COL28A1: variants seen among roughly 807,000 people sequenced by gnomAD.
COL28A1 encodes the protein collagen type XXVIII alpha 1 chain.
Under a neutral mutation model 150.2 loss-of-function variants are expected in COL28A1, and 161 were observed. The ratio of observed to expected loss-of-function variants is 1.07; its 90% CI spans 0.94 to 1.22. The LOEUF (loss-of-function observed/expected upper bound fraction) is 1.22. Among genes scored for constraint, COL28A1 ranks in the 50% most tolerant of loss-of-function variants. The pLI is 0.00. For missense variants in COL28A1, 1,617 were observed against 1,388.3 expected (o/e 1.16, Z -2.62); for synonymous variants, 552 against 469.7 (o/e 1.18, Z -2.26).
chr7:7,420,190 C>A, intron 25 of COL28A1: 1 of 309,262 alleles, frequency 3.2e-6, no homozygotes, highest in Non-Finnish European at 5.9e-6. Context: ...TTTCAGAACC[C>A]TCTTCTCTAG....
chr7:7,431,541 G>C, intron 25 of COL28A1: 1 of 471,156 alleles, frequency 2.1e-6, no homozygotes, highest in Non-Finnish European at 4.4e-6. Context: ...GGAATGAGCT[G>C]AAGTAGGGCA....
At chr7:7,423,868 G>A (rs564440951) in intron 25 of COL28A1, among the ~76,000 whole-genome samples, 37 of 152,252 alleles carry the variant, frequency 2.4e-4, no homozygotes, top group African/African-American at 8.4e-4. Flanking sequence ...ACCTTTGGGA[G>A]TATCTGAAGG....
chr7:7,458,572 G>C, intron 15 of COL28A1, among the ~76,000 whole-genome samples: 1 of 152,104 alleles, frequency 6.6e-6, no homozygotes, highest in East Asian at 1.9e-4. Flanking sequence ...ATCAACCTTT[G>C]ATCTACATAA....
intron 15 of COL28A1, among the ~76,000 whole-genome samples, chr7:7,462,661 C>A (rs1350904963): frequency 1.3e-5 from 2 of 152,122 alleles, no homozygotes; most frequent in Admixed American, 1.3e-4. Flanking sequence ...GAGTTCACGA[C>A]CAGCCTGACC....
intron 3 of COL28A1, among the ~76,000 whole-genome samples, chr7:7,527,237 C>T (rs1782075037): frequency 6.6e-6 from 1 of 152,190 alleles, no homozygotes; most frequent in Non-Finnish European, 1.5e-5. Context: ...CCTGAGGGCT[C>T]TTATAGGCTA....
intron 25 of COL28A1, among the ~76,000 whole-genome samples, chr7:7,426,053 GATATACT>G (rs1784629350): frequency 6.6e-6 from 1 of 152,158 alleles, no homozygotes; most frequent in East Asian, 1.9e-4. Flanking sequence ...GTGGAAGCAA[GATATACT>G]TGTTCCAAAA....
intron 33 of COL28A1, among the ~76,000 whole-genome samples, chr7:7,369,792 C>T (rs1023532699): frequency 2.6e-5 from 4 of 152,100 alleles, no homozygotes; most frequent in Non-Finnish European, 5.9e-5. Context: ...TAGCTGAATC[C>T]TGATGTTAGA....
In COL28A1 at chr7:7,373,214, C is replaced by CT. The variant is rs766010947; in HGVS notation, c.2691dup (p.Val898SerfsTer7). ...TGTCCATCAGTGATGACCAAGGCCACTTTTTTTACACCTGGCCTTGCATCT... is the reference window on the plus strand; with the variant it reads ...TGTCCATCAGTGATGACCAAGGCCACTTTTTTTTACACCTGGCCTTGCATCT... On this transcript the variant is annotated frameshift_variant, in exon 32 of 35. Coordinates refer to ENST00000399429, the MANE Select transcript of COL28A1 (RefSeq NM_001037763.3). LOFTEE classifies it high-confidence loss of function. This position sits in a 1 kb window ranked among gnomAD's most constrained non-coding sequence, Gnocchi z 4.1. 2.5e-6 allele frequency: 4 copies of CT among 1,614,196 alleles called. No homozygotes were observed. Among genetic ancestry groups the CT allele is most frequent in the Non-Finnish European group, 3.4e-6 (4 of 1,180,034 alleles).
intron 20 of COL28A1, 108 bp downstream of exon 20, chr7:7,443,477 A>G (rs1430526542): frequency 6.6e-7 from 1 of 1,516,444 alleles, no homozygotes; most frequent in East Asian, 2.3e-5. Flanking sequence ...TAAGCCAGAC[A>G]TAAACACATT....
At chr7:7,522,066 T>C (rs750059681) in intron 4 of COL28A1, 105 bp from the exon 5 acceptor site, 2 of 747,018 alleles carry the variant, frequency 2.7e-6, no homozygotes, top group Non-Finnish European at 4.8e-6. Context: ...TTCAAATAAA[T>C]TTCAAATAGC....
chr7:7,359,290 CAAA>C (rs5882121), intron 34 of COL28A1, among the ~76,000 whole-genome samples: 2 of 145,058 alleles, frequency 1.4e-5, no homozygotes, highest in African/African-American at 2.5e-5. Context: ...CTTTAAGTTA[CAAA>C]AAAAAAAAAA....
chr7:7,345,616 T>A, the COL28A1 span, among the ~76,000 whole-genome samples: 3 of 152,144 alleles, frequency 2.0e-5, no homozygotes, highest in African/African-American at 4.8e-5. Context: ...TTCACTGGTA[T>A]CAAATTCCAT....
chr7:7,523,332 G>C (rs930476394), intron 4 of COL28A1, among the ~76,000 whole-genome samples: 2 of 151,846 alleles, frequency 1.3e-5, no homozygotes, highest in African/African-American at 4.8e-5. Context: ...TAACTTTTTT[G>C]TATTTTTAGT....
At chr7:7,484,696 C>G (rs1456494278) in intron 13 of COL28A1, among the ~76,000 whole-genome samples, 2 of 152,018 alleles carry the variant, frequency 1.3e-5, no homozygotes, top group African/African-American at 4.8e-5. Context: ...ACATTTCAAA[C>G]TTGTTAGTCA....
chr7:7,427,082 A>C (rs1236227417), intron 25 of COL28A1, among the ~76,000 whole-genome samples: 3 of 152,362 alleles, frequency 2.0e-5, no homozygotes, highest in South Asian at 2.1e-4. Context: ...ACTCATAAGA[A>C]GAGAAATACA....
At chr7:7,415,235 C>A (rs1287019070) in intron 27 of COL28A1, among the ~76,000 whole-genome samples, 1 of 152,162 alleles carries the variant, frequency 6.6e-6, no homozygotes, top group East Asian at 1.9e-4. Context: ...AGCACACACA[C>A]CTGCAAGCAG....
intron 27 of COL28A1, among the ~76,000 whole-genome samples, chr7:7,400,391 C>G (rs1010018197): frequency 6.6e-6 from 1 of 152,046 alleles, no homozygotes; most frequent in Admixed American, 6.6e-5. Context: ...AGATGGAAAC[C>G]CTTGGCTTTG....
At chr7:7,439,185 G>C (rs1240633911) in intron 21 of COL28A1, among the ~76,000 whole-genome samples, 2 of 152,136 alleles carry the variant, frequency 1.3e-5, no homozygotes, top group African/African-American at 4.8e-5. Flanking sequence ...CTCCTGCCCA[G>C]GGCCGTGTTC....
chr7:7,384,137 T>C (rs930769211), intron 27 of COL28A1, among the ~76,000 whole-genome samples: 42 of 152,182 alleles, frequency 2.8e-4, no homozygotes, highest in Admixed American at 2.7e-3. Flanking sequence ...AAATAAGTTC[T>C]TTACAGGGGT....
Sources: allele counts gnomAD v4.1 joint callset (sites outside exome capture counted in the v4.1 genomes callset), GRCh38; gene constraint gnomAD v4.1.1; non-coding constraint Gnocchi (gnomAD v3.1); transcripts MANE v1.5; gene names NCBI Gene and HGNC (gene_info 2026-07-23, HGNC 2026-07-21).